ZNF334: variants seen among roughly 807,000 people sequenced by gnomAD.
ZNF334 encodes the protein zinc finger protein 334.
ZNF334 carries 14 observed loss-of-function variants against 12.4 expected under a neutral mutation model. The ratio of observed to expected loss-of-function variants is 1.13; its 90% confidence interval spans 0.74 to 1.76. The LOEUF is 1.76. Ranked by LOEUF, ZNF334 falls within the 40% of genes most tolerant of loss-of-function variation. The pLI is 0.00. For synonymous variants in ZNF334, 273 were observed against 269.6 expected (o/e 1.01, Z -0.12); for missense variants, 797 against 804.5 (o/e 0.99, Z 0.11).
At chr20:46,492,404 G>A in the ZNF334 span, 1 of 153,274 alleles carries the variant, frequency 6.5e-6, no homozygotes, top group South Asian at 2.1e-4. Context: ...TAATGAATGT[G>A]GAAAGACCTT....
chr20:46,476,745 C>T, the ZNF334 span, among the ~76,000 whole-genome samples: 33 of 152,210 alleles, frequency 2.2e-4, no homozygotes, highest in African/African-American at 7.0e-4. Flanking sequence ...AAAGGTTAGG[C>T]GACTATCCAA....
At chr20:46,494,658 C>T (rs1403792851), downstream of ZNF334, among the ~76,000 whole-genome samples, 6 of 152,050 alleles carry the variant, frequency 3.9e-5, no homozygotes, top group East Asian at 7.7e-4. Context: ...TAATTTTGGT[C>T]CTTAATATCC....
chr20:46,475,258 T>C, the ZNF334 span, among the ~76,000 whole-genome samples: 1 of 152,136 alleles, frequency 6.6e-6, no homozygotes, highest in Non-Finnish European at 1.5e-5. Context: ...TGGGCATCCA[T>C]AGACATAAAA....
At chr20:46,481,532 A>G in the ZNF334 span, among the ~76,000 whole-genome samples, 5 of 152,204 alleles carry the variant, frequency 3.3e-5, no homozygotes, top group African/African-American at 1.2e-4. Context: ...AAGCTGAAGA[A>G]TAGGAGTCCC....
intron 2 of ZNF334, among the ~76,000 whole-genome samples, chr20:46,507,682 A>C (rs994663251): frequency 6.6e-6 from 1 of 152,188 alleles, no homozygotes; most frequent in Non-Finnish European, 1.5e-5. Flanking sequence ...CCTCACCCAC[A>C]TGACCATCCT....
chr20:46,475,700 A>T, the ZNF334 span, among the ~76,000 whole-genome samples: 1 of 152,236 alleles, frequency 6.6e-6, no homozygotes. Flanking sequence ...CCAGTAAGGA[A>T]ATGCAAATTA....
At chr20:46,468,740 G>C in the ZNF334 span, among the ~76,000 whole-genome samples, 1 of 152,124 alleles carries the variant, frequency 6.6e-6, no homozygotes, top group Admixed American at 6.6e-5. Flanking sequence ...TGGCACTCAC[G>C]GGTGGGCATG....
chr20:46,463,976 C>T, the ZNF334 span: 5 of 610,764 alleles, frequency 8.2e-6, no homozygotes, highest in Non-Finnish European at 1.6e-5. Context: ...TCATCGTCCC[C>T]ATCTGCCAAA....
the ZNF334 span, among the ~76,000 whole-genome samples, chr20:46,476,051 G>A: frequency 9.9e-5 from 15 of 152,064 alleles, no homozygotes; most frequent in Non-Finnish European, 1.6e-4. Flanking sequence ...TCCATACCAC[G>A]GAATACTATT....
In ZNF334 at chr20:46,502,479, T is replaced by A. The variant is rs1398807083; in HGVS notation, c.860A>T (p.His287Leu). Residue 287 changes from histidine (H) to leucine (L), a missense_variant, in exon 5 of 5, where the codon CAT becomes CTT. By Grantham distance (99) the His-to-Leu change is moderately conservative (BLOSUM62 -3). Coordinates refer to ENST00000692313, the MANE Select transcript of ZNF334 (RefSeq NM_001353824.2). ...GCATTCATAGGGTCTCTCTCCAGTA[T>A]GAATTCTTCGGTGTCGAGTGAGGCT... ...KTSLTRHRRI[H>L]TGERPYECSE... is the part of the protein sequence containing the mutation. 1.2e-6 allele frequency: 2 copies of A among 1,613,798 alleles called. No individual in the cohort carries two copies. The highest frequency in any genetic ancestry group is 2.2e-5 in the East Asian group (1 of 44,896).
Position 46,502,239 on chromosome 20 carries a change from T to C in ZNF334, c.1100A>G (p.His367Arg). The C allele has an allele frequency of 1.2e-6, 2 of 1,614,172 alleles. No homozygotes were observed. The highest frequency in any genetic ancestry group is 1.3e-5 in the African/African-American group (1 of 75,058). Residue 367 changes from histidine to arginine, a missense_variant, in exon 5 of 5, where the codon CAT (histidine) becomes CGT (arginine). His to Arg is a conservative substitution (Grantham distance 29). Coordinates refer to ENST00000692313, the MANE Select transcript of ZNF334 (RefSeq NM_001353824.2). ...AFSKKSYLVV[H>R]QRTHRGEKPN... ...CTTCTCTCCTCTGTGAGTTCTTTGATGTACAACAAGATACGATTTCTTGCT... is the reference window on the plus strand; with the variant it reads ...CTTCTCTCCTCTGTGAGTTCTTTGACGTACAACAAGATACGATTTCTTGCT...
Position 46,501,960 on chromosome 20 carries a change from G to T in ZNF334, c.1379C>A (p.Ser460Tyr). Residue 460 changes from serine (S) to tyrosine (Y), a missense_variant, in exon 5 of 5, where the codon TCT (serine) becomes TAT (tyrosine). Ser to Tyr is a moderately radical substitution (Grantham distance 144, BLOSUM62 -2). Coordinates refer to ENST00000692313, the MANE Select transcript of ZNF334 (RefSeq NM_001353824.2). ...AHQITHRGKK[S>Y]YECNECGKFF... ...TTTCCCACATTCATTACATTCATAAGACTTCTTTCCTCTATGAGTTATCTG... is the reference window on the plus strand; with the variant it reads ...TTTCCCACATTCATTACATTCATAATACTTCTTTCCTCTATGAGTTATCTG... The T allele has an allele frequency of 6.2e-7, 1 of 1,614,016 alleles. No individual in the cohort carries two copies.
chr20:46,512,083 T>C lies in ZNF334; in HGVS notation c.20A>G (p.Gln7Arg). ...GAAGTAAATCCCTGAGCAACTTACC[T>C]GAAATTTTTTCATTTTCATGTTCTC... is the stretch of plus-strand genomic sequence containing the variant. MKMKKF[Q>R]IPVSFQDLTV... Residue 7 changes from glutamine to arginine, a missense_variant and splice_region_variant, in exon 2 of 5, where the codon CAG (glutamine) becomes CGG (arginine). Coordinates refer to ENST00000692313, the MANE Select transcript of ZNF334 (RefSeq NM_001353824.2). 3 of 1,613,728 alleles carry C rather than the reference T, an allele frequency of 1.9e-6. No homozygotes were observed. The highest frequency in any genetic ancestry group is 2.5e-6 in the Non-Finnish European group (3 of 1,179,656).
intron 2 of ZNF334, among the ~76,000 whole-genome samples, chr20:46,508,883 A>AT (rs1442645946): frequency 8.5e-5 from 13 of 152,088 alleles, no homozygotes; most frequent in Admixed American, 8.5e-4. Context: ...ATTTTTATAT[A>AT]TTTTTTATGT....
At chr20:46,464,854 G>A in the ZNF334 span, 80 of 540,048 alleles carry the variant, frequency 1.5e-4, no homozygotes, top group Middle Eastern at 1.9e-3. Flanking sequence ...ACTCAGCTTC[G>A]CCTGTATTCA....
intron 2 of ZNF334, among the ~76,000 whole-genome samples, chr20:46,511,118 G>A (rs1184880267): frequency 6.6e-6 from 1 of 152,088 alleles, no homozygotes; most frequent in African/African-American, 2.4e-5. Context: ...CAAGCTGGGT[G>A]TGGCAGCTCA....
the ZNF334 span, chr20:46,492,996 G>A: frequency 6.6e-6 from 1 of 152,042 alleles, no homozygotes. Context: ...GCTGAGACAG[G>A]AGAATCACTT....
chr20:46,464,076 C>G, the ZNF334 span: 1 of 621,454 alleles, frequency 1.6e-6, no homozygotes, highest in Admixed American at 1.9e-5. Context: ...CCTCAATGAG[C>G]TCCGAGAAGT....
chr20:46,508,474 T>G (rs567836269), intron 2 of ZNF334, among the ~76,000 whole-genome samples: 1 of 152,180 alleles, frequency 6.6e-6, no homozygotes, highest in African/African-American at 2.4e-5. Context: ...ATGTTCACAA[T>G]GTAGGCAGAA....
Sources: allele counts gnomAD v4.1 joint callset (sites outside exome capture counted in the v4.1 genomes callset), GRCh38; gene constraint gnomAD v4.1.1; transcripts MANE v1.5; gene names NCBI Gene and HGNC (gene_info 2026-07-23, HGNC 2026-07-21).